TEX9: variants seen among roughly 807,000 people sequenced by gnomAD.
The protein encoded by TEX9 is testis expressed 9.
TEX9 carries 74 observed loss-of-function variants against 59.6 expected under a neutral mutation model. That is an observed-to-expected ratio of 1.24 (90% CI 1.03 to 1.51). The LOEUF is 1.51. TEX9 is among the 40% of genes most tolerant of loss of function. TEX9 has a pLI of 0.00. For missense variants in TEX9, 522 were observed against 447.8 expected (o/e 1.17, Z -1.49); for synonymous variants, 186 against 152.2 (o/e 1.22, Z -1.64).
chr15:56,258,707 T>A (rs1206845105), intron 1 of TEX9, among the ~76,000 whole-genome samples: 2 of 151,990 alleles, frequency 1.3e-5, no homozygotes, highest in African/African-American at 4.8e-5. Context: ...TTATTCTTAT[T>A]TAGATTTCTC....
rs140765853 is a variant in TEX9, at chr15:56,302,148, G to A, written c.-107+57870G>A. Among the ~76,000 whole-genome samples the A allele has an allele frequency of 2.6e-5, 4 of 152,098 alleles. No individual in the cohort carries two copies. In the East Asian group the frequency reaches 7.7e-4, roughly 29 times the overall value. ...AAGTTGTCATTAGTTTAAAATCATG[G>A]GTTATAAGATGTTATTTCCAAGCCG... is the stretch of plus-strand genomic sequence containing the variant. On this transcript the variant is annotated intron_variant, in intron 1 of 5. Transcript: ENST00000560827.
At chr15:56,366,489 G>A (rs1359182850) in intron 2 of TEX9, among the ~76,000 whole-genome samples, 1 of 152,168 alleles carries the variant, frequency 6.6e-6, no homozygotes, top group Non-Finnish European at 1.5e-5. Flanking sequence ...CCTTGACCAT[G>A]CTAAGTAGGC....
intron 12 of TEX9, among the ~76,000 whole-genome samples, chr15:56,436,711 A>C (rs1333325260): frequency 6.6e-6 from 1 of 152,140 alleles, no homozygotes; most frequent in African/African-American, 2.4e-5. Flanking sequence ...GACCGCTAGC[A>C]AGACTCATAA....
At chr15:56,425,848 G>A (rs1442083220) in intron 10 of TEX9, among the ~76,000 whole-genome samples, 1 of 152,118 alleles carries the variant, frequency 6.6e-6, no homozygotes, top group Non-Finnish European at 1.5e-5. Context: ...CTTGCAGACT[G>A]GCTGCATGCA....
chr15:56,319,552 T>C (rs1391003436), intron 1 of TEX9, among the ~76,000 whole-genome samples: 4 of 152,196 alleles, frequency 2.6e-5, no homozygotes, highest in Non-Finnish European at 5.9e-5. Context: ...CTTTTGCTGT[T>C]CCTCAGATTT....
chr15:56,317,909 T>A (rs1488014971), intron 1 of TEX9, among the ~76,000 whole-genome samples: 1 of 152,198 alleles, frequency 6.6e-6, no homozygotes, highest in Admixed American at 6.5e-5. Context: ...TAACATATGA[T>A]CTTTTCTGGA....
chr15:56,342,952 C>G (rs1282704071), intron 1 of TEX9, among the ~76,000 whole-genome samples: 2 of 152,156 alleles, frequency 1.3e-5, no homozygotes, highest in East Asian at 3.8e-4. Context: ...TGATTTTAAT[C>G]TTTTCCTAAG....
At chr15:56,451,063 T>G in the TEX9 span, among the ~76,000 whole-genome samples, 1 of 152,254 alleles carries the variant, frequency 6.6e-6, no homozygotes, top group Non-Finnish European at 1.5e-5. Context: ...TTTGTTCATT[T>G]TTGAACTGGG....
intron 2 of TEX9, among the ~76,000 whole-genome samples, chr15:56,367,423 A>T (rs1567101468): frequency 1.3e-5 from 2 of 152,204 alleles, no homozygotes; most frequent in South Asian, 4.1e-4. Flanking sequence ...GCTACTTCCC[A>T]GGGACCTCAA....
chr15:56,316,999 C>T (rs969389638), intron 1 of TEX9, among the ~76,000 whole-genome samples: 1 of 152,232 alleles, frequency 6.6e-6, no homozygotes, highest in Non-Finnish European at 1.5e-5. Context: ...ATGCCTCGCC[C>T]TGCTTCTGCT....
intron 9 of TEX9, among the ~76,000 whole-genome samples, chr15:56,405,504 C>G (rs1331123085): frequency 2.0e-5 from 3 of 152,144 alleles, no homozygotes; most frequent in East Asian, 3.8e-4. Context: ...TCTTATCACT[C>G]TTTAAGAGTT....
chr15:56,322,033 A>C (rs1215242220), intron 1 of TEX9, among the ~76,000 whole-genome samples: 1 of 152,114 alleles, frequency 6.6e-6, no homozygotes, highest in East Asian at 1.9e-4. Flanking sequence ...ATATGTCAGA[A>C]TTCATATAAG....
intron 1 of TEX9, among the ~76,000 whole-genome samples, chr15:56,252,406 C>A (rs2044045024): frequency 9.6e-6 from 1 of 103,872 alleles, no homozygotes. Context: ...GTCCAGGCCA[C>A]AAAATAAAAG....
chr15:56,456,580 G>A, the TEX9 span: 6 of 1,561,868 alleles, frequency 3.8e-6, no homozygotes, highest in Non-Finnish European at 5.2e-6. Context: ...TTTCATCAAG[G>A]TTGAATTTGT....
At chr15:56,275,571 T>A (rs1164375234) in intron 1 of TEX9, among the ~76,000 whole-genome samples, 1 of 152,224 alleles carries the variant, frequency 6.6e-6, no homozygotes, top group Non-Finnish European at 1.5e-5. Context: ...ATTAATCTTA[T>A]ATACTTTTTA....
intron 1 of TEX9, among the ~76,000 whole-genome samples, chr15:56,266,807 A>T (rs2044396387): frequency 6.6e-6 from 1 of 152,208 alleles, no homozygotes; most frequent in South Asian, 2.1e-4. Context: ...ATGTCTTTAT[A>T]GCAGCATGAT....
intron 3 of TEX9, among the ~76,000 whole-genome samples, chr15:56,374,895 C>G (rs2047360501): frequency 6.6e-6 from 1 of 152,142 alleles, no homozygotes; most frequent in South Asian, 2.1e-4. Flanking sequence ...TTTTTTATGG[C>G]TGAATAGTAC....
intron 12 of TEX9, among the ~76,000 whole-genome samples, chr15:56,440,181 C>T (rs1226914628): frequency 6.6e-6 from 1 of 152,020 alleles, no homozygotes; most frequent in Non-Finnish European, 1.5e-5. Context: ...TGTTCAGCAT[C>T]ATTAGTCATC....
At chr15:56,349,337 T>C (rs2046531351) in intron 1 of TEX9, among the ~76,000 whole-genome samples, 1 of 152,182 alleles carries the variant, frequency 6.6e-6, no homozygotes, top group Non-Finnish European at 1.5e-5. Flanking sequence ...AAATCTAATA[T>C]TGATCATTAA....
Sources: allele counts gnomAD v4.1 joint callset (sites outside exome capture counted in the v4.1 genomes callset), GRCh38; gene constraint gnomAD v4.1.1; transcripts MANE v1.5; gene names NCBI Gene and HGNC (gene_info 2026-07-23, HGNC 2026-07-21).